Variants in CEP68 observed in about 807,000 individuals in gnomAD.
The protein encoded by CEP68 is centrosomal protein of 68 kDa.
CEP68 carries 26 observed loss-of-function variants against 55.3 expected under a neutral mutation model. The observed-to-expected ratio is 0.47, with a 90% CI of 0.34 to 0.65. The LOEUF is 0.65. CEP68 is among the 30% of genes least tolerant of loss of function. The probability of loss-of-function intolerance (pLI) is 0.01; values close to 1 mark genes in which losing one functional copy is unlikely to be tolerated. For missense variants in CEP68, 957 were observed against 946.7 expected (o/e 1.01, Z -0.14); for synonymous variants, 402 against 383.2 (o/e 1.05, Z -0.57).
chr2:65,080,086 T>C (rs1348596754), intron 5 of CEP68, among the ~76,000 whole-genome samples: 1 of 151,912 alleles, frequency 6.6e-6, no homozygotes, highest in African/African-American at 2.4e-5. Flanking sequence ...CGAGCTGAGA[T>C]TGCGCCATTG....
intron 1 of CEP68, among the ~76,000 whole-genome samples, chr2:65,057,486 G>A (rs1195037646): frequency 6.6e-6 from 1 of 152,176 alleles, no homozygotes; most frequent in Non-Finnish European, 1.5e-5. Context: ...AAGGAATTCA[G>A]TTTAACCTCT....
At chr2:65,071,173 G>A (rs954878671) in intron 2 of CEP68, 68 of 470,036 alleles carry the variant, frequency 1.4e-4, no homozygotes, top group Middle Eastern at 5.7e-4. Context: ...TGACAGAGCT[G>A]TCTGAGTTCT....
intron 1 of CEP68, among the ~76,000 whole-genome samples, chr2:65,058,848 C>G (rs879572646): frequency 6.6e-6 from 1 of 152,112 alleles, no homozygotes; most frequent in Admixed American, 6.5e-5. Flanking sequence ...TTTCCTGATT[C>G]TCTTTCCACA....
In CEP68 at chr2:65,068,117, C is replaced by T. The variant is rs62140399; in HGVS notation, c.-46-1282C>T. ...GCCCACATTTAAGCTTTGAGGTTGGCCCAGTGCACTCCGGGTGGCTGCCGA... is the reference window on the plus strand; with the variant it reads ...GCCCACATTTAAGCTTTGAGGTTGGTCCAGTGCACTCCGGGTGGCTGCCGA... On this transcript the variant is annotated intron_variant, in intron 1 of 6. Coordinates refer to ENST00000377990, the MANE Select transcript of CEP68 (RefSeq NM_015147.3). Among the ~76,000 whole-genome samples the T allele has an allele frequency of 6.2e-3, 951 of 152,260 alleles. 5 individuals are homozygous for T. Among genetic ancestry groups the T allele is most frequent in the Admixed American group, 9.3e-3 (142 of 15,294 alleles).
At chr2:65,061,060 C>T (rs1173274208) in intron 1 of CEP68, among the ~76,000 whole-genome samples, 3 of 152,030 alleles carry the variant, frequency 2.0e-5, no homozygotes, top group Non-Finnish European at 2.9e-5. Context: ...GCCTGTAATC[C>T]CAACTACTCA....
Position 65,072,440 on chromosome 2 carries a change from C to G in CEP68, c.1344C>G (p.Pro448=), listed in dbSNP as rs762840356. Residue 448 remains proline (P), a synonymous_variant, in exon 3 of 7, where the codon CCC becomes CCG. Coordinates refer to ENST00000377990, the MANE Select transcript of CEP68 (RefSeq NM_015147.3). Reference sequence around the variant, plus strand: ...CACGGGACAGAGGGTGGCCCTCGCCCAGGCCAGAGAGGGAGAAGAGGACCA... The same window carrying G: ...CACGGGACAGAGGGTGGCCCTCGCCGAGGCCAGAGAGGGAGAAGAGGACCA... ...LRTRDRGWPS[P]RPEREKRTSQ... 6.2e-7 allele frequency: 1 copy of G among 1,614,074 alleles called. No individual in the cohort carries two copies. Among genetic ancestry groups the G allele is most frequent in the Non-Finnish European group, 8.5e-7 (1 of 1,180,024 alleles).
At chr2:65,066,745 A>AAAAATATATATATAT (rs70943620) in intron 1 of CEP68, among the ~76,000 whole-genome samples, 54 of 58,316 alleles carry the variant, frequency 9.3e-4, no homozygotes, top group Non-Finnish European at 1.5e-3. Flanking sequence ...AAAAAAAAAA[A>AAAAATATATATATAT]ATATATATAT....
rs1236848614 is a variant in CEP68 at position 65,072,365 on chromosome 2, C to T, written c.1269C>T (p.Asp423=). The change falls in exon 3 of 7, where the codon GAC becomes GAT. Residue 423 remains aspartate, a synonymous_variant. Coordinates refer to ENST00000377990, the MANE Select transcript of CEP68 (RefSeq NM_015147.3). The part of the protein sequence containing the change: ...RREPALRGAK[D]RLTIGKHLDM... Reference sequence around the variant, plus strand: ...AGCCAGCCCTGAGGGGTGCGAAGGACCGGCTGACTATAGGCAAGCACCTTG... The same window carrying T: ...AGCCAGCCCTGAGGGGTGCGAAGGATCGGCTGACTATAGGCAAGCACCTTG... 6.2e-7 allele frequency: 1 copy of T among 1,613,904 alleles called. No homozygotes were observed. Among genetic ancestry groups the T allele is most frequent in the Non-Finnish European group, 8.5e-7 (1 of 1,180,022 alleles).
intron 1 of CEP68, among the ~76,000 whole-genome samples, chr2:65,066,745 A>AAATAT (rs70943620): frequency 0.016 from 939 of 58,202 alleles, 8 homozygotes; most frequent in Non-Finnish European, 0.021. Flanking sequence ...AAAAAAAAAA[A>AAATAT]ATATATATAT....
At position 65,086,750 on chromosome 2, in the gene CEP68, C is replaced by T. The variant is rs550746957; in HGVS notation, c.*3116C>T. ...ATACTGTATTAAGGCAAAAACAAAA[C>T]TTCTGAAGCATTAAAGATCTTCACC... On this transcript the variant is annotated 3_prime_UTR_variant, in exon 7 of 7. Coordinates refer to ENST00000377990, the MANE Select transcript of CEP68 (RefSeq NM_015147.3). 5.2e-5 allele frequency: 8 copies of T among 152,698 alleles called. No individual in the cohort carries two copies. The highest frequency in any genetic ancestry group is 1.9e-4 in the African/African-American group (8 of 41,578). 9.5% of individuals were successfully genotyped at this position (152,698 alleles called of 1,614,324 possible).
At chr2:65,066,726 C>CAAAA (rs869096839) in intron 1 of CEP68, among the ~76,000 whole-genome samples, 11 of 43,218 alleles carry the variant, frequency 2.5e-4, no homozygotes, top group Non-Finnish European at 4.2e-4. Context: ...GACTCTGTCT[C>CAAAA]AAAAAAAAAA....
At chr2:65,074,443 G>A in intron 4 of CEP68, 39 bp downstream of exon 4, 2 of 1,613,750 alleles carry the variant, frequency 1.2e-6, no homozygotes, top group Non-Finnish European at 1.7e-6. Flanking sequence ...TCCCTCACAA[G>A]AGTGTGGCTA....
Position 65,082,570 on chromosome 2 carries a change from G to T in CEP68, c.2139G>T (p.Gln713His), listed in dbSNP as rs778719307. The change falls in exon 6 of 7, where the codon CAG becomes CAT. Residue 713 changes from glutamine to histidine, a missense_variant. By Grantham distance (24) the Gln-to-His change is conservative (BLOSUM62 0). Coordinates refer to ENST00000377990, the MANE Select transcript of CEP68 (RefSeq NM_015147.3). ...LEDVLGRIAK[Q>H]SGELESHADR... Reference sequence around the variant, plus strand: ...ATGTCCTTGGGAGGATCGCAAAGCAGTCTGGTGAGCTGGAGAGCCACGCAG... The same window carrying T: ...ATGTCCTTGGGAGGATCGCAAAGCATTCTGGTGAGCTGGAGAGCCACGCAG... The T allele has an allele frequency of 1.9e-6, 3 of 1,594,880 alleles. No individual in the cohort carries two copies. Among genetic ancestry groups the T allele is most frequent in the Non-Finnish European group, 1.7e-6 (2 of 1,174,238 alleles).
At position 65,084,545 on chromosome 2, in the gene CEP68, C is replaced by T. The variant is rs1668973747; in HGVS notation, c.*911C>T. On this transcript the variant is annotated 3_prime_UTR_variant, in exon 7 of 7. Transcript: ENST00000377990. ...ATTAAAAAAAAAAAAAACTATGGAT[C>T]AACCATTCAAAGCATCAATTCTATA... 1 of 151,320 alleles carries T rather than the reference C, an allele frequency of 6.6e-6. No individual in the cohort carries two copies. The highest frequency in any genetic ancestry group is 2.1e-4 in the South Asian group (1 of 4,810). The allele number at this position is 151,320 out of a possible 1,614,324, so 9.4% of individuals were successfully genotyped here.
intron 2 of CEP68, chr2:65,070,766 G>A (rs1676424402): frequency 6.6e-6 from 1 of 152,314 alleles, no homozygotes; most frequent in African/African-American, 2.4e-5. Context: ...CTTACCATGT[G>A]CTTTGCACAC....
intron 3 of CEP68, 42 bp downstream of exon 3, chr2:65,073,022 T>A: frequency 6.2e-7 from 1 of 1,602,458 alleles, no homozygotes; most frequent in Non-Finnish European, 8.6e-7. Flanking sequence ...TACAGGTGTC[T>A]TGTCTCTTCC....
At chr2:65,074,942 A>C in intron 4 of CEP68, 1 of 198,468 alleles carries the variant, frequency 5.0e-6, no homozygotes, top group Admixed American at 5.4e-5. Flanking sequence ...TTTTATTTGC[A>C]CTAGCCACAT....
chr2:65,073,545 C>T (rs1002422717), intron 3 of CEP68: 1 of 164,876 alleles, frequency 6.1e-6, no homozygotes. Context: ...ATAGGGTTAT[C>T]GGTGTCAGGC....
rs373167471 is a variant in CEP68, at chr2:65,072,587, G to C, written c.1491G>C (p.Ser497=). 5.0e-6 allele frequency: 8 copies of C among 1,613,964 alleles called. No homozygotes were observed. The highest frequency in any genetic ancestry group is 5.9e-6 in the Non-Finnish European group (7 of 1,180,006). The change falls in exon 3 of 7, where the codon TCG becomes TCC. Residue 497 remains serine (S), a synonymous_variant. Transcript: ENST00000377990. ...TGACACAGGTTTCTAGCCTGGTTTC[G>C]TATCTAGGATCCATTTCTACCTTGG... ...ARLTQVSSLV[S]YLGSISTLVT...
Sources: allele counts gnomAD v4.1 joint callset (sites outside exome capture counted in the v4.1 genomes callset), GRCh38; gene constraint gnomAD v4.1.1; transcripts MANE v1.5; gene names NCBI Gene and HGNC (gene_info 2026-07-23, HGNC 2026-07-21).